Variants in KLF8 observed in about 807,000 individuals in gnomAD.
KLF8 encodes KLF transcription factor 8.
A neutral mutation model predicts 18.2 loss-of-function variants in KLF8; 10 were observed. The ratio of observed to expected loss-of-function variants is 0.55; its 90% confidence interval spans 0.34 to 0.93. KLF8 has a LOEUF of 0.93. Among genes scored for constraint, KLF8 ranks in the 40% least tolerant of loss-of-function variants. The probability of loss-of-function intolerance (pLI) is 0.02; values close to 1 mark genes in which losing one functional copy is unlikely to be tolerated. For synonymous variants in KLF8, 109 were observed against 97.3 expected (o/e 1.12, Z -0.71); for missense variants, 264 against 277.9 (o/e 0.95, Z 0.36).
the KLF8 span, among the ~76,000 whole-genome samples, chrX:56,226,510 T>C: frequency 8.9e-6 from 1 of 112,264 alleles, no homozygotes; most frequent in South Asian, 3.7e-4. Context: ...ACCACCTAAA[T>C]CACCTGGTAT....
the KLF8 span, among the ~76,000 whole-genome samples, chrX:56,076,887 G>A: frequency 8.9e-6 from 1 of 111,996 alleles, no homozygotes; most frequent in African/African-American, 3.3e-5. Context: ...TTCTCTGATG[G>A]CCAGTGATGG....
At chrX:56,187,624 A>G in the KLF8 span, among the ~76,000 whole-genome samples, 6 of 111,801 alleles carry the variant, frequency 5.4e-5, no homozygotes, top group East Asian at 8.4e-4. Flanking sequence ...AACTTCCTCA[A>G]TAAAATACTG....
the KLF8 span, among the ~76,000 whole-genome samples, chrX:56,114,999 T>G: frequency 1.8e-5 from 2 of 112,793 alleles, no homozygotes; most frequent in African/African-American, 6.4e-5. Context: ...CTTTGTTTCT[T>G]GTCAAATTTT....
intron 2 of KLF8, among the ~76,000 whole-genome samples, chrX:56,252,086 CACTGCA>C (rs1476921693): frequency 9.0e-6 from 1 of 110,895 alleles, no homozygotes; most frequent in Non-Finnish European, 1.9e-5. Context: ...CTTCTCAGCT[CACTGCA>C]ACCTCCGCCT....
At chrX:55,978,785 G>T in the KLF8 span, among the ~76,000 whole-genome samples, 3 of 111,815 alleles carry the variant, frequency 2.7e-5, no homozygotes, top group African/African-American at 9.7e-5. Flanking sequence ...GTCTCACATT[G>T]TAATAGTAAG....
At chrX:56,251,171 T>C (rs2066705202) in intron 2 of KLF8, among the ~76,000 whole-genome samples, 1 of 112,228 alleles carries the variant, frequency 8.9e-6, no homozygotes, top group Non-Finnish European at 1.9e-5. Context: ...ACTCCAAGAA[T>C]TAGGATTCGA....
intron 5 of KLF8, 122 bp from the exon 6 acceptor site, chrX:56,284,191 C>T: frequency 3.9e-6 from 2 of 510,742 alleles, no homozygotes; most frequent in Non-Finnish European, 6.1e-6. Context: ...AGGCATATGC[C>T]TTCAAGGTTA....
At chrX:56,207,646 A>C in the KLF8 span, among the ~76,000 whole-genome samples, 2 of 111,259 alleles carry the variant, frequency 1.8e-5, no homozygotes, top group African/African-American at 3.3e-5. Flanking sequence ...CCATATCACT[A>C]TCAGCATTTT....
chrX:56,179,484 C>A, the KLF8 span, among the ~76,000 whole-genome samples: 20 of 112,026 alleles, frequency 1.8e-4, no homozygotes, highest in Non-Finnish European at 1.9e-5. Flanking sequence ...ACCTTTATTT[C>A]TTTCTCCTGC....
chrX:56,251,928 G>C (rs761621430), intron 2 of KLF8, among the ~76,000 whole-genome samples: 1 of 111,510 alleles, frequency 9.0e-6, no homozygotes, highest in South Asian at 3.7e-4. Flanking sequence ...CACTCTTTTA[G>C]ATATTTTTTA....
At chrX:56,023,538 G>A in the KLF8 span, among the ~76,000 whole-genome samples, 7 of 111,457 alleles carry the variant, frequency 6.3e-5, no homozygotes, top group South Asian at 3.7e-4. Flanking sequence ...GTAAATAAGG[G>A]CATTTTATAA....
the KLF8 span, among the ~76,000 whole-genome samples, chrX:55,927,320 C>T: frequency 8.0e-5 from 9 of 112,130 alleles, no homozygotes; most frequent in Non-Finnish European, 1.5e-4. Context: ...TCTCTCTGTC[C>T]TCTCTTTCTC....
chrX:56,051,880 A>T, the KLF8 span, among the ~76,000 whole-genome samples: 1 of 108,967 alleles, frequency 9.2e-6, no homozygotes, highest in Non-Finnish European at 1.9e-5. Context: ...ACTTGGTTCC[A>T]TTCTCCCCAT....
chrX:56,215,859 A>AAAAAG, the KLF8 span, among the ~76,000 whole-genome samples: 26 of 98,102 alleles, frequency 2.7e-4, no homozygotes, highest in African/African-American at 7.3e-4. Flanking sequence ...AAAAAAAAAA[A>AAAAAG]AAAAGAAAAG....
chrX:56,157,232 T>C, the KLF8 span, among the ~76,000 whole-genome samples: 37 of 83,006 alleles, frequency 4.5e-4, no homozygotes, highest in African/African-American at 1.6e-3. Context: ...CCGGGGCCTG[T>C]TGTGGGGTGG....
At chrX:56,031,171 G>T in the KLF8 span, among the ~76,000 whole-genome samples, 1 of 111,142 alleles carries the variant, frequency 9.0e-6, no homozygotes, top group Non-Finnish European at 1.9e-5. Flanking sequence ...GGCTTACTTT[G>T]TGCCTGACCC....
chrX:56,207,348 T>C, the KLF8 span, among the ~76,000 whole-genome samples: 1 of 112,679 alleles, frequency 8.9e-6, no homozygotes, highest in Non-Finnish European at 1.9e-5. Context: ...TTTTTCAAAA[T>C]TTTATGCTCT....
chrX:55,940,816 A>G, the KLF8 span, among the ~76,000 whole-genome samples: 1 of 111,742 alleles, frequency 8.9e-6, no homozygotes. Flanking sequence ...CCAACTTGCA[A>G]GGGATGTGAA....
the KLF8 span, among the ~76,000 whole-genome samples, chrX:56,084,389 C>A: frequency 9.1e-6 from 1 of 110,423 alleles, no homozygotes; most frequent in Admixed American, 9.7e-5. Context: ...AACAAACAAA[C>A]AAACAAACAA....
Sources: allele counts gnomAD v4.1 joint callset (sites outside exome capture counted in the v4.1 genomes callset), GRCh38; gene constraint gnomAD v4.1.1; transcripts MANE v1.5; gene names NCBI Gene and HGNC (gene_info 2026-07-23, HGNC 2026-07-21).